The following PKHD1L1 variants were observed in gnomAD, a reference collection of about 807,000 sequenced individuals.
PKHD1L1 encodes the protein fibrocystin-L.
A neutral mutation model predicts 462.9 loss-of-function variants in PKHD1L1; 434 were observed. The observed-to-expected ratio is 0.94, with a 90% CI of 0.87 to 1.02. The LOEUF (loss-of-function observed/expected upper bound fraction) is 1.02. Ranked by LOEUF, PKHD1L1 falls within the 50% of genes least tolerant of loss-of-function variation. The probability of loss-of-function intolerance (pLI) is 0.00; values close to 1 mark genes in which losing one functional copy is unlikely to be tolerated. For missense variants in PKHD1L1, 5,202 were observed against 5,096.1 expected, an observed-to-expected ratio of 1.02 and a Z score of -0.63; for synonymous variants, 1,781 against 1,750.0, an observed-to-expected ratio of 1.02 and a Z score of -0.44.
chr8:109,452,261 G>GC lies in PKHD1L1; in HGVS notation c.6488_6489insC (p.Val2164CysfsTer8). 1 of 1,604,996 alleles carries GC rather than the reference G, an allele frequency of 6.2e-7. No homozygotes were observed. The highest frequency in any genetic ancestry group is 8.5e-7 in the Non-Finnish European group (1 of 1,174,674). On this transcript the variant is annotated frameshift_variant, in exon 42 of 78. Coordinates refer to ENST00000378402, the MANE Select transcript of PKHD1L1 (RefSeq NM_177531.6). LOFTEE classifies it high-confidence loss of function. ...GCTCCAGTTTGTGTCCACATCAGAG[G>GC]TGTCGGCATGGCCAAACTGGTAATA...
intron 6 of PKHD1L1, among the ~76,000 whole-genome samples, chr8:109,387,246 C>T (rs1812489113): frequency 6.6e-6 from 1 of 152,090 alleles, no homozygotes; most frequent in Admixed American, 6.6e-5. Context: ...AGAGGACATG[C>T]AAATGGATAG....
rs992058261 is a variant in PKHD1L1 at position 109,522,795 on chromosome 8, T to A, written c.12235T>A (p.Phe4079Ile). ...TGCATTTCCTGTTCATCACGTGGCC[T>A]TCGTGTCCTCACTCTTAGTGATCAC... ...RSAFPVHHVA[F>I]VSSLLVITQP... Residue 4079 changes from phenylalanine (F) to isoleucine (I), a missense_variant, in exon 75 of 78, where the codon TTC becomes ATC. Physicochemically the swap from Phe to Ile is conservative, Grantham distance 21. Coordinates refer to ENST00000378402, the MANE Select transcript of PKHD1L1 (RefSeq NM_177531.6). 1 of 1,612,442 alleles carries A rather than the reference T, an allele frequency of 6.2e-7. No individual in the cohort carries two copies. Among genetic ancestry groups the A allele is most frequent in the African/African-American group, 1.3e-5 (1 of 74,982 alleles).
rs369203693 is a variant in PKHD1L1 at position 109,491,906 on chromosome 8, G to A, written c.10148G>A (p.Arg3383Gln). The change falls in exon 62 of 78, where the codon CGA becomes CAA. Residue 3383 changes from arginine to glutamine, a missense_variant. By Grantham distance (43) the Arg-to-Gln change is conservative. Transcript: ENST00000378402. Reference sequence around the variant, plus strand: ...ATATGGGGGAATGCCAACCGAGTCCGAGGGAATTTGATTGCACTTTCGGTT... The same window carrying A: ...ATATGGGGGAATGCCAACCGAGTCCAAGGGAATTTGATTGCACTTTCGGTT... ...IRIWGNANRV[R>Q]GNLIALSVWP... is the part of the protein sequence containing the mutation. 3.6e-5 allele frequency: 57 copies of A among 1,604,308 alleles called. 1 individual carries two copies. The highest frequency in any genetic ancestry group is 5.4e-5 in the African/African-American group (4 of 74,572).
chr8:109,533,498 T>C lies in PKHD1L1; in HGVS notation c.*3408T>C, dbSNP rs1272347191. ...ATTATTAGAATTATTGGCTGGGCAC[T>C]GGGCCACCTAGAACAAAGACAATTT... On this transcript the variant is annotated 3_prime_UTR_variant, in exon 78 of 78. Coordinates refer to ENST00000378402, the MANE Select transcript of PKHD1L1 (RefSeq NM_177531.6). Among the ~76,000 whole-genome samples the C allele has an allele frequency of 6.6e-6, 1 of 152,270 alleles. No individual in the cohort carries two copies. Among genetic ancestry groups the C allele is most frequent in the African/African-American group, 2.4e-5 (1 of 41,470 alleles).
At chr8:109,375,204 T>C (rs904876720) in intron 2 of PKHD1L1, among the ~76,000 whole-genome samples, 26 of 152,332 alleles carry the variant, frequency 1.7e-4, no homozygotes, top group South Asian at 4.1e-4. Flanking sequence ...TCATTTCTTT[T>C]TATTCTTTTT....
chr8:109,491,076 C>T lies in PKHD1L1; in HGVS notation c.10089C>T (p.Asn3363=). The T allele has an allele frequency of 6.2e-7, 1 of 1,608,898 alleles. No homozygotes were observed. Among genetic ancestry groups the T allele is most frequent in the Non-Finnish European group, 8.5e-7 (1 of 1,176,398 alleles). The change falls in exon 61 of 78, where the codon AAC becomes AAT. Residue 3363 remains asparagine (N), a synonymous_variant. Transcript: ENST00000378402. ...FGTDGLDIDD[N]IIHFTVGEGI... ...CAGATGGATTGGACATAGATGACAACATCATTCACTTTACAGTGGGGGAAG... is the reference window on the plus strand; with the variant it reads ...CAGATGGATTGGACATAGATGACAATATCATTCACTTTACAGTGGGGGAAG...
At chr8:109,483,251 T>C (rs1244153466) in intron 57 of PKHD1L1, 146 bp downstream of exon 57, 2 of 554,306 alleles carry the variant, frequency 3.6e-6, no homozygotes, top group African/African-American at 4.0e-5. Context: ...TGCAAAAATG[T>C]ATCCGATAGG....
chr8:109,491,623 G>A (rs188275154), intron 61 of PKHD1L1, among the ~76,000 whole-genome samples: 1 of 151,892 alleles, frequency 6.6e-6, no homozygotes, highest in East Asian at 1.9e-4. Context: ...TAAAATCTGA[G>A]ATGGACCCTG....
intron 67 of PKHD1L1, among the ~76,000 whole-genome samples, chr8:109,503,426 C>A (rs1478122345): frequency 1.3e-5 from 2 of 152,170 alleles, no homozygotes; most frequent in Non-Finnish European, 2.9e-5. Flanking sequence ...AGGGCACAAA[C>A]AGCATCTGCT....
intron 67 of PKHD1L1, among the ~76,000 whole-genome samples, chr8:109,502,974 G>A (rs1320285158): frequency 1.3e-5 from 2 of 152,180 alleles, no homozygotes. Context: ...TCTCTCAGGT[G>A]AGGGAACTCT....
intron 54 of PKHD1L1, 69 bp downstream of exon 54, chr8:109,479,708 G>A: frequency 1.8e-6 from 2 of 1,127,442 alleles, no homozygotes; most frequent in East Asian, 5.1e-5. Flanking sequence ...CAGGGTAGAT[G>A]TCACAGTTTT....
intron 38 of PKHD1L1, among the ~76,000 whole-genome samples, 167 bp from the exon 39 acceptor site, chr8:109,447,976 T>C (rs1816247815): frequency 6.6e-6 from 1 of 152,192 alleles, no homozygotes; most frequent in South Asian, 2.1e-4. Context: ...CTGTAGGGTA[T>C]ATTGTAGTCA....
Position 109,443,091 on chromosome 8 carries a change from T to A in PKHD1L1, c.4539T>A (p.Gly1513=), listed in dbSNP as rs1427583725. The change falls in exon 36 of 78, where the codon GGT becomes GGA. Residue 1513 remains glycine, a synonymous_variant. Coordinates refer to ENST00000378402, the MANE Select transcript of PKHD1L1 (RefSeq NM_177531.6). ...TRHIPLHLFV[G]RSEATYAYGG... is the part of the protein sequence containing the mutation. ...ACATTCCCTTGCACCTGTTTGTGGG[T>A]CGCTCTGAAGCCACATATGCTTATG... 6.2e-7 allele frequency: 1 copy of A among 1,613,466 alleles called. No homozygotes were observed. Among genetic ancestry groups the A allele is most frequent in the African/African-American group, 1.3e-5 (1 of 74,898 alleles).
At chr8:109,517,272 T>C (rs188504349) in intron 72 of PKHD1L1, among the ~76,000 whole-genome samples, 253 of 152,272 alleles carry the variant, frequency 1.7e-3, no homozygotes, top group Non-Finnish European at 1.9e-3. Context: ...ATCCCTGTGT[T>C]ATGAACCTAT....
intron 9 of PKHD1L1, among the ~76,000 whole-genome samples, chr8:109,393,845 C>A (rs1279701489): frequency 6.6e-6 from 1 of 152,120 alleles, no homozygotes; most frequent in African/African-American, 2.4e-5. Flanking sequence ...AAAGGGTAAT[C>A]CTTTTGTATG....
chr8:109,440,130 T>C (rs969964445), intron 32 of PKHD1L1, among the ~76,000 whole-genome samples: 3 of 152,070 alleles, frequency 2.0e-5, no homozygotes, highest in Admixed American at 6.6e-5. Context: ...GAAGTTGGGA[T>C]TTGGAAGTCA....
At chr8:109,481,329 T>C (rs1657922073) in intron 55 of PKHD1L1, 104 bp from the exon 56 acceptor site, 3 of 1,068,892 alleles carry the variant, frequency 2.8e-6, no homozygotes, top group Non-Finnish European at 3.8e-6. Flanking sequence ...ACAAAACTCA[T>C]TCCTTTTTAC....
rs1814340312 is a variant in PKHD1L1, at chr8:109,419,220, A to G, written c.2484A>G (p.Val828=). 2 of 1,611,838 alleles carry G rather than the reference A, an allele frequency of 1.2e-6. No homozygotes were observed. The highest frequency in any genetic ancestry group is 1.7e-5 in the Admixed American group (1 of 59,776). Residue 828 remains valine, a synonymous_variant, in exon 22 of 78, where the codon GTA becomes GTG. Coordinates refer to ENST00000378402, the MANE Select transcript of PKHD1L1 (RefSeq NM_177531.6). ...ASESQSFYVD[V]VYIGHTSTIS... ...AATCACAGTCCTTCTATGTGGATGT[A>G]GTGTACATTGGACACACATCTACAA...
intron 58 of PKHD1L1, among the ~76,000 whole-genome samples, 160 bp from the exon 59 acceptor site, chr8:109,486,488 T>A (rs1008396072): frequency 1.3e-5 from 2 of 152,066 alleles, no homozygotes; most frequent in Non-Finnish European, 2.9e-5. Flanking sequence ...TATCATAATA[T>A]CAGACTGCCA....
Sources: allele counts gnomAD v4.1 joint callset (sites outside exome capture counted in the v4.1 genomes callset), GRCh38; gene constraint gnomAD v4.1.1; transcripts MANE v1.5; gene names NCBI Gene and HGNC (gene_info 2026-07-23, HGNC 2026-07-21).